Variants in ZNF407 observed in about 807,000 individuals in gnomAD.
ZNF407 encodes zinc finger protein 407.
ZNF407 carries 17 observed loss-of-function variants against 131.2 expected under a neutral mutation model. The ratio of observed to expected loss-of-function variants is 0.13; its 90% CI spans 0.09 to 0.19. The LOEUF (loss-of-function observed/expected upper bound fraction) is 0.19, where lower values mean the gene tolerates loss of function less well. Ranked by LOEUF, ZNF407 falls within the 10% of genes least tolerant of loss-of-function variation. The pLI, the probability that ZNF407 is intolerant of heterozygous loss-of-function variation, is 1.00. For missense variants in ZNF407, 2,681 were observed against 2,830.6 expected (o/e 0.95, Z 1.20); for synonymous variants, 1,156 against 1,062.0 (o/e 1.09, Z -1.72).
intron 3 of ZNF407, among the ~76,000 whole-genome samples, chr18:74,707,573 T>G (rs1197942783): frequency 2.0e-5 from 3 of 152,226 alleles, no homozygotes; most frequent in Non-Finnish European, 4.4e-5. Flanking sequence ...TTTCGTAGCA[T>G]TTTGGATTTC....
intron 8 of ZNF407, among the ~76,000 whole-genome samples, chr18:74,992,568 GA>G (rs1436909777): frequency 1.3e-5 from 2 of 152,230 alleles, no homozygotes; most frequent in Non-Finnish European, 2.9e-5. Flanking sequence ...AGGATTCGTG[GA>G]TAAGAGCTGG....
At chr18:75,010,177 G>A (rs1209679264) in intron 8 of ZNF407, among the ~76,000 whole-genome samples, 1 of 152,174 alleles carries the variant, frequency 6.6e-6, no homozygotes, top group African/African-American at 2.4e-5. Context: ...AAGGACAACC[G>A]TGATCTGACT....
At chr18:74,688,992 G>A (rs1174155175) in intron 3 of ZNF407, among the ~76,000 whole-genome samples, 1 of 151,950 alleles carries the variant, frequency 6.6e-6, no homozygotes, top group Non-Finnish European at 1.5e-5. Flanking sequence ...CCATGCCCGG[G>A]TAATTTTTCT....
chr18:75,023,857 C>CTGAA (rs568463485), intron 8 of ZNF407, among the ~76,000 whole-genome samples: 9 of 152,300 alleles, frequency 5.9e-5, no homozygotes, highest in South Asian at 2.1e-4. Context: ...GTTGTAGTTG[C>CTGAA]ACTTTGAAAT....
intron 8 of ZNF407, among the ~76,000 whole-genome samples, chr18:75,055,456 C>T (rs913467918): frequency 7.2e-5 from 11 of 152,246 alleles, no homozygotes; most frequent in African/African-American, 9.6e-5. Flanking sequence ...CACGCATTCT[C>T]ATCTTCCTGA....
intron 3 of ZNF407, among the ~76,000 whole-genome samples, chr18:74,727,914 C>G (rs574616841): frequency 6.6e-6 from 1 of 152,110 alleles, no homozygotes; most frequent in Non-Finnish European, 1.5e-5. Flanking sequence ...AGGCTGGATT[C>G]GGACAAGAAG....
At chr18:74,905,874 A>G (rs539778878) in intron 7 of ZNF407, 1 of 152,352 alleles carries the variant, frequency 6.6e-6, no homozygotes, top group East Asian at 1.9e-4. Context: ...CTTGCTGAAA[A>G]TGTCCAAAGG....
chr18:74,717,047 C>CA (rs1334638558), intron 3 of ZNF407, among the ~76,000 whole-genome samples: 1 of 152,014 alleles, frequency 6.6e-6, no homozygotes, highest in Non-Finnish European at 1.5e-5. Context: ...CTTTTAAAAA[C>CA]AAAAAATATA....
intron 7 of ZNF407, among the ~76,000 whole-genome samples, chr18:74,895,647 A>C (rs1242826732): frequency 6.6e-6 from 1 of 152,184 alleles, no homozygotes; most frequent in Non-Finnish European, 1.5e-5. Flanking sequence ...CAGTTATAAA[A>C]CATGTTTTTC....
chr18:74,742,887 T>A (rs1031432788), intron 3 of ZNF407, among the ~76,000 whole-genome samples: 6 of 152,140 alleles, frequency 3.9e-5, no homozygotes, highest in African/African-American at 1.4e-4. Flanking sequence ...AGTTAATGGC[T>A]GAACTGGTAT....
At chr18:74,970,625 T>A (rs921345472) in intron 8 of ZNF407, among the ~76,000 whole-genome samples, 1 of 152,218 alleles carries the variant, frequency 6.6e-6, no homozygotes, top group Non-Finnish European at 1.5e-5. Flanking sequence ...AAGAGGTGGG[T>A]TCCCATGGTC....
At chr18:74,980,116 C>T (rs11151101) in intron 8 of ZNF407, among the ~76,000 whole-genome samples, 10,473 of 152,004 alleles carry the variant, frequency 0.069, 1,176 homozygotes, top group African/African-American at 0.24. Flanking sequence ...AAATGTGTTT[C>T]CCTCTATTCT....
chr18:74,646,847 C>T lies in ZNF407; in HGVS notation c.4802+5725C>T, dbSNP rs188879149. On this transcript the variant is annotated intron_variant, in intron 3 of 8. Transcript: ENST00000299687. ...GAAACTGAGGCAGCCCCCAGCTCCT[C>T]CTCACAGGGGAAGGACAGCTCTTGT... Among the ~76,000 whole-genome samples, 66 of 152,254 alleles carry T rather than the reference C, an allele frequency of 4.3e-4. No individual in the cohort carries two copies. The East Asian group carries it at 0.012, about 27-fold the overall frequency.
In ZNF407 at chr18:74,967,477, G is replaced by T. The variant is rs1599268896; in HGVS notation, c.5428+46785G>T. 3.3e-5 allele frequency among the ~76,000 whole-genome samples: 5 copies of T among 152,248 alleles called. No individual in the cohort carries two copies. In the East Asian group the frequency reaches 9.7e-4, roughly 29 times the overall value. On this transcript the variant is annotated intron_variant, in intron 8 of 8. Transcript: ENST00000299687. Reference sequence around the variant, plus strand: ...AAAATTGCCTCTTGTTTCTGACAGTGAATTATTGTATGGAAACGTGGGTCT... The same window carrying T: ...AAAATTGCCTCTTGTTTCTGACAGTTAATTATTGTATGGAAACGTGGGTCT...
intron 3 of ZNF407, among the ~76,000 whole-genome samples, chr18:74,779,559 T>C (rs73474415): frequency 0.013 from 1,951 of 152,324 alleles, 49 homozygotes; most frequent in African/African-American, 0.045. Flanking sequence ...AGCTGTGTTA[T>C]AGTATTAAAA....
rs114608512 is a variant in ZNF407 at position 74,976,634 on chromosome 18, T to C, written c.5428+55942T>C. Reference sequence around the variant, plus strand: ...ACAGCCTTTGACTACAAGGCATCAGTTGTTGTAGATGTCTGCCGAGTATGA... The same window carrying C: ...ACAGCCTTTGACTACAAGGCATCAGCTGTTGTAGATGTCTGCCGAGTATGA... On this transcript the variant is annotated intron_variant, in intron 8 of 8. Transcript: ENST00000299687. Among the ~76,000 whole-genome samples, 934 of 152,330 alleles carry C rather than the reference T, an allele frequency of 6.1e-3. 7 individuals carry two copies. The highest frequency in any genetic ancestry group is 0.02 in the African/African-American group (851 of 41,572).
intron 8 of ZNF407, among the ~76,000 whole-genome samples, chr18:74,981,225 G>A (rs1222771959): frequency 2.6e-5 from 4 of 152,222 alleles, no homozygotes; most frequent in South Asian, 2.1e-4. Context: ...AGGCACCCCC[G>A]TCAGTGGGTG....
intron 4 of ZNF407, among the ~76,000 whole-genome samples, chr18:74,826,279 GGAGA>G (rs909480761): frequency 1.3e-5 from 2 of 151,432 alleles, no homozygotes; most frequent in African/African-American, 2.4e-5. Flanking sequence ...AAAACTGATA[GGAGA>G]GAGAGAGAGA....
At chr18:75,050,764 TC>T (rs894545841) in intron 8 of ZNF407, among the ~76,000 whole-genome samples, 7 of 152,162 alleles carry the variant, frequency 4.6e-5, no homozygotes, top group Admixed American at 1.3e-4. Flanking sequence ...TCTAGAAACA[TC>T]CACGAAAAGA....
Sources: allele counts gnomAD v4.1 joint callset (sites outside exome capture counted in the v4.1 genomes callset), GRCh38; gene constraint gnomAD v4.1.1; transcripts MANE v1.5; gene names NCBI Gene and HGNC (gene_info 2026-07-23, HGNC 2026-07-21).